Variants in CHRM3 observed in about 807,000 individuals in gnomAD.
CHRM3 encodes the protein cholinergic receptor muscarinic 3.
A neutral mutation model predicts 41.8 loss-of-function variants in CHRM3; 11 were observed. The observed-to-expected ratio is 0.26, with a 90% CI of 0.17 to 0.44. The LOEUF (loss-of-function observed/expected upper bound fraction) is 0.44, where lower values mean the gene tolerates loss of function less well. Among genes scored for constraint, CHRM3 ranks in the 20% least tolerant of loss-of-function variants. The pLI, the probability that CHRM3 is intolerant of heterozygous loss-of-function variation, is 1.00. For missense variants in CHRM3, 571 were observed against 745.4 expected (o/e 0.77, Z 2.72); for synonymous variants, 297 against 301.4 (o/e 0.99, Z 0.15).
At chr1:239,667,340 C>T (rs955689742) in intron 4 of CHRM3, among the ~76,000 whole-genome samples, 1 of 152,194 alleles carries the variant, frequency 6.6e-6, no homozygotes, top group Non-Finnish European at 1.5e-5. Context: ...TCTGTCCAGT[C>T]AGGTGAGACG....
At chr1:239,849,501 C>T (rs767910527) in intron 6 of CHRM3, among the ~76,000 whole-genome samples, 24 of 152,208 alleles carry the variant, frequency 1.6e-4, no homozygotes, top group Non-Finnish European at 3.2e-4. Flanking sequence ...AAGACAATAA[C>T]ATTCAGATGA....
chr1:239,457,967 A>C (rs1000325448), intron 1 of CHRM3, among the ~76,000 whole-genome samples: 4 of 152,116 alleles, frequency 2.6e-5, no homozygotes, highest in African/African-American at 9.7e-5. Context: ...GGAAGGTAGA[A>C]ATTTGTGGGC....
chr1:239,759,760 C>G (rs1167968734), intron 5 of CHRM3, among the ~76,000 whole-genome samples: 1 of 152,110 alleles, frequency 6.6e-6, no homozygotes, highest in Non-Finnish European at 1.5e-5. Context: ...TGCTTTCTCT[C>G]TACTGGAATA....
chr1:239,570,480 A>G (rs1661725668), intron 3 of CHRM3, among the ~76,000 whole-genome samples: 1 of 152,200 alleles, frequency 6.6e-6, no homozygotes, highest in Non-Finnish European at 1.5e-5. Context: ...GAAGTAGTAG[A>G]GCTGTGATAG....
At position 239,908,375 on chromosome 1, in the gene CHRM3, T is replaced by C. The variant is rs1680133003; in HGVS notation, c.924T>C (p.Tyr308=). The C allele has an allele frequency of 6.2e-7, 1 of 1,614,010 alleles. No homozygotes were observed. The highest frequency in any genetic ancestry group is 8.5e-7 in the Non-Finnish European group (1 of 1,180,016). ...QSMKRSNRRK[Y]GRCHFWFTTK... is the part of the protein sequence containing the mutation. Reference sequence around the variant, plus strand: ...TGAAACGCTCCAACAGGAGGAAGTATGGCCGCTGCCACTTCTGGTTCACAA... The same window carrying C: ...TGAAACGCTCCAACAGGAGGAAGTACGGCCGCTGCCACTTCTGGTTCACAA... The change falls in exon 7 of 7, where the codon TAT becomes TAC. Residue 308 remains tyrosine (Y), a synonymous_variant. Transcript: ENST00000676153. This position sits in a 1 kb window ranked among gnomAD's most constrained non-coding sequence, Gnocchi z 7.2.
chr1:239,835,716 A>T (rs1413574034), intron 6 of CHRM3, among the ~76,000 whole-genome samples: 2 of 152,218 alleles, frequency 1.3e-5, no homozygotes, highest in South Asian at 4.1e-4. Context: ...CCATGGAGTG[A>T]GGTAGTATCA....
At chr1:239,520,121 T>C (rs566691625) in intron 2 of CHRM3, among the ~76,000 whole-genome samples, 10 of 152,348 alleles carry the variant, frequency 6.6e-5, no homozygotes, top group South Asian at 6.2e-4. Flanking sequence ...CAGTCATTGC[T>C]GAGGAAGAAT....
At chr1:239,813,723 C>T (rs535154737) in intron 5 of CHRM3, among the ~76,000 whole-genome samples, 1,935 of 129,350 alleles carry the variant, frequency 0.015, 70 homozygotes, top group African/African-American at 0.059. Flanking sequence ...CGAGACCATC[C>T]TGGCTAACAC....
intron 3 of CHRM3, among the ~76,000 whole-genome samples, chr1:239,610,190 C>CAAAAAAAAAAAAA (rs35512941): frequency 1.3e-5 from 1 of 77,898 alleles, no homozygotes; most frequent in Admixed American, 1.7e-4. Flanking sequence ...AAGACTCTGT[C>CAAAAAAAAAAAAA]AAAAAAAAAA....
intron 3 of CHRM3, among the ~76,000 whole-genome samples, chr1:239,594,402 A>G (rs769850315): frequency 2.6e-5 from 4 of 152,228 alleles, no homozygotes; most frequent in Non-Finnish European, 5.9e-5. Context: ...TATGAGAAGC[A>G]TTGTTTGTAT....
chr1:239,452,230 A>T (rs1217464830), intron 1 of CHRM3, among the ~76,000 whole-genome samples: 2 of 152,224 alleles, frequency 1.3e-5, no homozygotes, highest in Admixed American at 1.3e-4. Flanking sequence ...TACTCATGTA[A>T]CAAAAATCAC....
intron 3 of CHRM3, among the ~76,000 whole-genome samples, chr1:239,592,363 T>G (rs1664271537): frequency 1.3e-5 from 2 of 152,286 alleles, no homozygotes; most frequent in African/African-American, 4.8e-5. Flanking sequence ...TGGTGTTTAA[T>G]GTAACTATCG....
chr1:239,464,276 T>C (rs1665567537), intron 1 of CHRM3, among the ~76,000 whole-genome samples: 1 of 140,146 alleles, frequency 7.1e-6, no homozygotes, highest in Admixed American at 7.2e-5. Context: ...TGAGACCCTG[T>C]CTCAAAAAAA....
At chr1:239,508,506 A>G (rs1477563570) in intron 2 of CHRM3, among the ~76,000 whole-genome samples, 2 of 152,162 alleles carry the variant, frequency 1.3e-5, no homozygotes, top group African/African-American at 2.4e-5. Flanking sequence ...ATTCTTTTCT[A>G]TGGTTTAAAT....
chr1:239,702,259 A>C (rs1660753402), intron 5 of CHRM3, among the ~76,000 whole-genome samples: 1 of 152,178 alleles, frequency 6.6e-6, no homozygotes, highest in African/African-American at 2.4e-5. Flanking sequence ...TAATTAACCT[A>C]TACCCAGTTA....
intron 6 of CHRM3, among the ~76,000 whole-genome samples, chr1:239,869,237 G>A (rs935393907): frequency 1.3e-5 from 2 of 152,098 alleles, no homozygotes; most frequent in African/African-American, 4.8e-5. Flanking sequence ...GAACCATATG[G>A]TACAAACTGA....
intron 1 of CHRM3, among the ~76,000 whole-genome samples, chr1:239,409,851 AG>A (rs1366223231): frequency 6.6e-6 from 1 of 152,194 alleles, no homozygotes; most frequent in Non-Finnish European, 1.5e-5. Context: ...CTGAGGCAGA[AG>A]AATCACTTGA....
chr1:239,876,130 C>T (rs1677092476), intron 6 of CHRM3, among the ~76,000 whole-genome samples: 1 of 152,160 alleles, frequency 6.6e-6, no homozygotes, highest in Non-Finnish European at 1.5e-5. Flanking sequence ...CTCGTTGGTC[C>T]AGTTTAATCT....
chr1:239,837,105 A>G (rs2149133224), intron 6 of CHRM3, among the ~76,000 whole-genome samples: 1 of 152,272 alleles, frequency 6.6e-6, no homozygotes, highest in South Asian at 2.1e-4. Context: ...AAAATGCAAC[A>G]TTTTGGTTGT....
Sources: gnomAD v4.1 joint callset for allele counts (sites outside exome capture counted in the v4.1 genomes callset) on GRCh38, gnomAD v4.1.1 for gene constraint, Gnocchi (gnomAD v3.1) non-coding constraint, MANE v1.5 for transcripts, NCBI Gene and HGNC (gene_info 2026-07-23, HGNC 2026-07-21) for gene names.